Variants in SMARCB1 observed in about 807,000 individuals in gnomAD.
SMARCB1 encodes SWI/SNF-related matrix-associated actin-dependent regulator of chromatin subfamily B member 1.
Under a neutral mutation model 49.0 loss-of-function variants are expected in SMARCB1, and 5 were observed. That is an observed-to-expected ratio of 0.10 (90% CI 0.05 to 0.21). The LOEUF is 0.21. Ranked by LOEUF, SMARCB1 falls within the 10% of genes least tolerant of loss-of-function variation. The pLI, the probability that SMARCB1 is intolerant of heterozygous loss-of-function variation, is 1.00. For missense variants in SMARCB1, 226 were observed against 509.2 expected (o/e 0.44, Z 5.35); for synonymous variants, 201 against 200.1 (o/e 1.00, Z -0.04).
intron 5 of SMARCB1, among the ~76,000 whole-genome samples, chr22:23,809,227 C>T (rs1400106380): frequency 2.0e-5 from 3 of 151,346 alleles, no homozygotes; most frequent in Non-Finnish European, 4.4e-5. Context: ...AATCTAGAAT[C>T]CTGTACCCAG....
intron 6 of SMARCB1, among the ~76,000 whole-genome samples, chr22:23,822,192 G>A (rs1327968008): frequency 6.6e-6 from 1 of 152,220 alleles, no homozygotes; most frequent in Non-Finnish European, 1.5e-5. Flanking sequence ...GGCTGCCCTT[G>A]CCAGGGCACC....
chr22:23,835,228 T>G lies in SMARCB1; in HGVS notation c.*1048T>G, dbSNP rs960454780. 16 of 1,197,954 alleles carry G rather than the reference T, an allele frequency of 1.3e-5. 1 individual carries two copies. Among genetic ancestry groups the G allele is most frequent in the Admixed American group, 1.3e-4 (3 of 22,940 alleles). 74.2% of individuals were successfully genotyped at this position (1,197,954 alleles called of 1,614,324 possible). On this transcript the variant is annotated 3_prime_UTR_variant, in exon 9 of 9. Transcript: ENST00000644036. Reference sequence around the variant, plus strand: ...AGTTCATGTCCCCTCTGTTCTCATCTGTAATAGGGAGGTGTCCCCATTCTT... The same window carrying G: ...AGTTCATGTCCCCTCTGTTCTCATCGGTAATAGGGAGGTGTCCCCATTCTT...
intron 2 of SMARCB1, 44 bp downstream of exon 2, chr22:23,791,938 G>A (rs1928407428): frequency 6.2e-7 from 1 of 1,601,660 alleles, no homozygotes; most frequent in Admixed American, 1.7e-5. Flanking sequence ...AAAACCACTC[G>A]CTTATGTCAT....
intron 7 of SMARCB1, among the ~76,000 whole-genome samples, chr22:23,830,649 C>CTTTTTTTTTTTTTTTTTTTTTTTTTTTT (rs56800497): frequency 1.0e-5 from 1 of 95,424 alleles, no homozygotes; most frequent in Non-Finnish European, 1.9e-5. Flanking sequence ...TCCAATTTAT[C>CTTTTTTTTTTTTTTTTTTTTTTTTTTTT]TTTTTTTTTT....
chr22:23,837,863 G>C lies in SMARCB1; in HGVS notation c.*3683G>C, dbSNP rs775095795. ...CCCAGGAGTCCCAGCAGCTGGGCCA[G>C]AGTCAAGGTGCTCCGGTGCAGGCCT... On this transcript the variant is annotated 3_prime_UTR_variant, in exon 9 of 9. Transcript: ENST00000644036. The C allele has an allele frequency of 4.0e-5, 65 of 1,608,258 alleles. 1 individual carries two copies. The South Asian group carries it at 4.5e-4, about 11-fold the overall frequency.
At chr22:23,817,271 TG>T (rs755902097) in intron 6 of SMARCB1, 52 of 438,908 alleles carry the variant, frequency 1.2e-4, no homozygotes, top group Non-Finnish European at 2.0e-4. Flanking sequence ...CCCAATAAGA[TG>T]CTGCCTTAGT....
At chr22:23,803,255 C>T (rs570200742) in intron 4 of SMARCB1, 40 bp from the exon 5 acceptor site, 3 of 1,613,726 alleles carry the variant, frequency 1.9e-6, no homozygotes, top group Non-Finnish European at 2.5e-6. Context: ...ACCTAGGGCT[C>T]CGGCCCCCTC....
chr22:23,812,584 T>C (rs1353647342), intron 5 of SMARCB1, among the ~76,000 whole-genome samples: 2 of 152,168 alleles, frequency 1.3e-5, no homozygotes, highest in African/African-American at 4.8e-5. Context: ...TAGCAAAATA[T>C]TGCGAAATAG....
chr22:23,812,282 C>A (rs1929918142), intron 5 of SMARCB1, among the ~76,000 whole-genome samples: 1 of 151,996 alleles, frequency 6.6e-6, no homozygotes. Flanking sequence ...ATAGCAGGAT[C>A]CAATCTCTAA....
chr22:23,788,660 C>T (rs192600558), intron 1 of SMARCB1, among the ~76,000 whole-genome samples: 7 of 152,288 alleles, frequency 4.6e-5, no homozygotes, highest in African/African-American at 1.7e-4. Flanking sequence ...TGCACCTCAG[C>T]CTCTCAAAGT....
In SMARCB1 at chr22:23,835,150, C is replaced by T. The variant is rs760475272; in HGVS notation, c.*970C>T. The T allele has an allele frequency of 3.1e-5, 42 of 1,361,408 alleles. No homozygotes were observed. The highest frequency in any genetic ancestry group is 3.6e-5 in the Non-Finnish European group (38 of 1,060,066). 84.3% of individuals were successfully genotyped at this position (1,361,408 alleles called of 1,614,324 possible). A position where few individuals can be genotyped will look rare whatever the true frequency, so the allele number is the denominator to read the frequency against. On this transcript the variant is annotated 3_prime_UTR_variant, in exon 9 of 9. Transcript: ENST00000644036. The stretch of plus-strand genomic sequence containing the variant: ...CTGGTGCCAGCTCTTGGAGTTGACA[C>T]GGTACAGGGAGGAGACACAGCCCAG...
At chr22:23,792,127 G>A (rs1480861151) in intron 2 of SMARCB1, 2 of 545,222 alleles carry the variant, frequency 3.7e-6, no homozygotes, top group Non-Finnish European at 6.7e-6. Context: ...TGAGCGGGCC[G>A]GGGCCAGGAC....
chr22:23,810,410 C>G (rs544919158), intron 5 of SMARCB1, among the ~76,000 whole-genome samples: 1 of 151,346 alleles, frequency 6.6e-6, no homozygotes, highest in South Asian at 2.1e-4. Flanking sequence ...CGCCTGTAGT[C>G]CCAGCTACTC....
intron 3 of SMARCB1, among the ~76,000 whole-genome samples, chr22:23,797,652 C>G (rs896709710): frequency 2.8e-5 from 3 of 108,564 alleles, no homozygotes; most frequent in African/African-American, 1.1e-4. Flanking sequence ...GAGTTTCGCT[C>G]TGTCACCCAG....
chr22:23,808,805 T>A (rs997085109), intron 5 of SMARCB1, among the ~76,000 whole-genome samples: 1 of 151,586 alleles, frequency 6.6e-6, no homozygotes, highest in African/African-American at 2.4e-5. Flanking sequence ...TTCAAGTGAT[T>A]CTCCTGCCTC....
intron 7 of SMARCB1, 110 bp from the exon 8 acceptor site, chr22:23,833,462 C>A: frequency 2.0e-6 from 3 of 1,472,106 alleles, no homozygotes; most frequent in Non-Finnish European, 2.8e-6. Context: ...CCACTGGGTG[C>A]CAGCAGTGCT....
intron 6 of SMARCB1, among the ~76,000 whole-genome samples, chr22:23,821,213 C>G (rs1044387942): frequency 3.3e-5 from 5 of 152,218 alleles, no homozygotes; most frequent in African/African-American, 9.6e-5. Context: ...CTGCTCTGCC[C>G]TTTGGGTCAG....
intron 4 of SMARCB1, 75 bp downstream of exon 4, chr22:23,801,156 C>T (rs759719227): frequency 6.2e-7 from 1 of 1,610,590 alleles, no homozygotes; most frequent in Non-Finnish European, 8.5e-7. Flanking sequence ...GTTCCTTCCT[C>T]CCCAGAAAAA....
At position 23,835,553 on chromosome 22, in the gene SMARCB1, A is replaced by G. The variant is rs2030979625; in HGVS notation, c.*1373A>G. ...TGTTAGCATGGGACTCTTCCCAGGGAGTTTGCACTCAGGGCCTCTGCCCTC... is the reference window on the plus strand; with the variant it reads ...TGTTAGCATGGGACTCTTCCCAGGGGGTTTGCACTCAGGGCCTCTGCCCTC... On this transcript the variant is annotated 3_prime_UTR_variant, in exon 9 of 9. Coordinates refer to ENST00000644036, the MANE Select transcript of SMARCB1 (RefSeq NM_003073.5). 1.0e-6 allele frequency: 1 copy of G among 985,486 alleles called. No homozygotes were observed. The highest frequency in any genetic ancestry group is 1.2e-6 in the Non-Finnish European group (1 of 829,958). The allele number at this position is 985,486 out of a possible 1,614,324, so 61.0% of individuals were successfully genotyped here. A position where few individuals can be genotyped will look rare whatever the true frequency, so the allele number is the denominator to read the frequency against.
Sources: gnomAD v4.1 joint callset for allele counts (sites outside exome capture counted in the v4.1 genomes callset) on GRCh38, gnomAD v4.1.1 for gene constraint, MANE v1.5 for transcripts, NCBI Gene and HGNC (gene_info 2026-07-23, HGNC 2026-07-21) for gene names.